The following HIPK2 variants were observed in gnomAD, a reference collection of about 807,000 sequenced individuals.
HIPK2 encodes homeodomain-interacting protein kinase 2.
A neutral mutation model predicts 113.7 loss-of-function variants in HIPK2; 27 were observed. The observed-to-expected ratio is 0.24, with a 90% CI of 0.17 to 0.33. The LOEUF (loss-of-function observed/expected upper bound fraction) is 0.33, where lower values mean the gene tolerates loss of function less well. Among genes scored for constraint, HIPK2 ranks in the 10% least tolerant of loss-of-function variants. The pLI, the probability that HIPK2 is intolerant of heterozygous loss-of-function variation, is 1.00. For synonymous variants in HIPK2, 631 were observed against 642.2 expected, an observed-to-expected ratio of 0.98 and a Z score of 0.26; for missense variants, 1,257 against 1,588.0, an observed-to-expected ratio of 0.79 and a Z score of 3.54.
At chr7:139,588,331 C>A (rs1000213764) in intron 12 of HIPK2, among the ~76,000 whole-genome samples, 63 of 150,444 alleles carry the variant, frequency 4.2e-4, no homozygotes, top group African/African-American at 1.4e-3. Flanking sequence ...ACCGCGCTGG[C>A]CCCCTGCTGA....
At chr7:139,756,935 G>A (rs1032137839) in intron 1 of HIPK2, among the ~76,000 whole-genome samples, 1 of 152,136 alleles carries the variant, frequency 6.6e-6, no homozygotes, top group African/African-American at 2.4e-5. Flanking sequence ...AAGAGGTTCT[G>A]GAACACAGCC....
Position 139,717,030 on chromosome 7 carries a change from A to C in HIPK2, c.20-15T>G. 1 of 1,599,330 alleles carries C rather than the reference A, an allele frequency of 6.3e-7. No homozygotes were observed. Among genetic ancestry groups the C allele is most frequent in the South Asian group, 1.1e-5 (1 of 89,916 alleles). On this transcript the variant is annotated splice_polypyrimidine_tract_variant and intron_variant, in intron 1 of 14. Transcript: ENST00000406875. ...TGAGGCCATACCTACAAGGAAAGGA[A>C]AACGAAAAGTAAGTATCGGAGTCAC...
In HIPK2 at chr7:139,596,775, C is replaced by T. The variant is rs367751989; in HGVS notation, c.2659G>A (p.Val887Ile). The T allele has an allele frequency of 1.9e-5, 31 of 1,613,778 alleles. No homozygotes were observed. The highest frequency in any genetic ancestry group is 8.9e-5 in the East Asian group (4 of 44,892). The change falls in exon 12 of 15, where the codon GTC (valine) becomes ATC (isoleucine). Residue 887 changes from valine (V) to isoleucine (I), a missense_variant. Transcript: ENST00000406875. ...IPDTPSPTVS[V>I]ITISSDTDEE... ...TCCGTGTCACTGCTGATGGTGATGACGCTGACCGTGGGGCTGGGAGTGTCG... is the reference window on the plus strand; with the variant it reads ...TCCGTGTCACTGCTGATGGTGATGATGCTGACCGTGGGGCTGGGAGTGTCG...
At chr7:139,605,279 C>T (rs1799582688) in intron 9 of HIPK2, among the ~76,000 whole-genome samples, 1 of 151,732 alleles carries the variant, frequency 6.6e-6, no homozygotes, top group Non-Finnish European at 1.5e-5. Context: ...GTGTTTTAAG[C>T]TCTTTTAATC....
intron 1 of HIPK2, among the ~76,000 whole-genome samples, chr7:139,774,775 G>C (rs1366699828): frequency 6.6e-6 from 1 of 152,116 alleles, no homozygotes; most frequent in Non-Finnish European, 1.5e-5. Context: ...TATTGAAAAA[G>C]CCTCGCAAAG....
At position 139,638,903 on chromosome 7, in the gene HIPK2, C is replaced by T. The variant is rs575128127; in HGVS notation, c.1104-7178G>A. On this transcript the variant is annotated intron_variant, in intron 2 of 14. Coordinates refer to ENST00000406875, the MANE Select transcript of HIPK2 (RefSeq NM_022740.5). ...CGATCTCCTGACCTCGTGATCCGCC[C>T]GCCTCGGCCTCCCAAAGTGCTGGAT... 6.6e-5 allele frequency among the ~76,000 whole-genome samples: 10 copies of T among 152,246 alleles called. No individual in the cohort carries two copies. In the South Asian group the frequency reaches 1.7e-3, roughly 25 times the overall value.
intron 13 of HIPK2, among the ~76,000 whole-genome samples, chr7:139,581,992 T>C (rs1052233811): frequency 1.3e-5 from 2 of 152,230 alleles, no homozygotes; most frequent in Non-Finnish European, 1.5e-5. Context: ...ATTTAAAGGA[T>C]AGCTGAGCTG....
Position 139,760,292 on chromosome 7 carries a change from C to A in HIPK2, c.19+17313G>T, listed in dbSNP as rs190873237. ...GTGCTGGGATTACAGGCGTGAGCCACCGCACCCGGCCCACATCTACATAGT... is the reference window on the plus strand; with the variant it reads ...GTGCTGGGATTACAGGCGTGAGCCAACGCACCCGGCCCACATCTACATAGT... On this transcript the variant is annotated intron_variant, in intron 1 of 14. Coordinates refer to ENST00000406875, the MANE Select transcript of HIPK2 (RefSeq NM_022740.5). Among the ~76,000 whole-genome samples, 8 of 151,058 alleles carry A rather than the reference C, an allele frequency of 5.3e-5. 1 individual carries two copies. The East Asian group carries it at 1.5e-3, about 29-fold the overall frequency.
chr7:139,578,996 T>G (rs1388856286), intron 13 of HIPK2, among the ~76,000 whole-genome samples: 1 of 152,200 alleles, frequency 6.6e-6, no homozygotes, highest in Admixed American at 6.5e-5. Context: ...TGATTTATAT[T>G]TTTTGGAAAC....
Position 139,570,509 on chromosome 7 carries a change from A to G in HIPK2, c.*2418T>C, listed in dbSNP as rs1176579004. 6.6e-6 allele frequency: 1 copy of G among 152,272 alleles called. No homozygotes were observed. Among genetic ancestry groups the G allele is most frequent in the East Asian group, 1.9e-4 (1 of 5,200 alleles). The allele number at this position is 152,272 out of a possible 1,614,324, so 9.4% of individuals were successfully genotyped here. ...TGCCCGGCTGTGCCCAGCATGGAGC[A>G]GTCATGGTGTCCTTCCTTCTCGCTG... On this transcript the variant is annotated 3_prime_UTR_variant, in exon 15 of 15. Coordinates refer to ENST00000406875, the MANE Select transcript of HIPK2 (RefSeq NM_022740.5).
intron 1 of HIPK2, among the ~76,000 whole-genome samples, chr7:139,745,124 T>C (rs1796168857): frequency 6.6e-6 from 1 of 152,146 alleles, no homozygotes; most frequent in Non-Finnish European, 1.5e-5. Flanking sequence ...GTTCACCCGG[T>C]TGGGGCATGC....
At chr7:139,706,426 G>A (rs1279622709) in intron 2 of HIPK2, among the ~76,000 whole-genome samples, 1 of 152,178 alleles carries the variant, frequency 6.6e-6, no homozygotes, top group Non-Finnish European at 1.5e-5. Flanking sequence ...GGTGGGTGAC[G>A]AGATGAGCTG....
chr7:139,641,102 C>T lies in HIPK2; in HGVS notation c.1104-9377G>A, dbSNP rs543893021. On this transcript the variant is annotated intron_variant, in intron 2 of 14. Coordinates refer to ENST00000406875, the MANE Select transcript of HIPK2 (RefSeq NM_022740.5). Reference sequence around the variant, plus strand: ...CTCCCTGGCCGGGTGCAGTGGCTCACGCCTGTAATCCCAGTACTTTGGGAG... The same window carrying T: ...CTCCCTGGCCGGGTGCAGTGGCTCATGCCTGTAATCCCAGTACTTTGGGAG... Among the ~76,000 whole-genome samples the T allele has an allele frequency of 5.8e-4, 88 of 152,316 alleles. 1 individual carries two copies. Among genetic ancestry groups the T allele is most frequent in the Middle Eastern group, 3.4e-3 (1 of 294 alleles).
chr7:139,658,524 A>C (rs2116529472), intron 2 of HIPK2, among the ~76,000 whole-genome samples: 1 of 152,376 alleles, frequency 6.6e-6, no homozygotes, highest in East Asian at 1.9e-4. Flanking sequence ...AGGAAAGCGA[A>C]AGCAAAATTT....
intron 1 of HIPK2, among the ~76,000 whole-genome samples, chr7:139,746,656 C>T (rs144788744): frequency 2.8e-4 from 42 of 152,264 alleles, no homozygotes; most frequent in African/African-American, 9.4e-4. Context: ...AGGTTGACAA[C>T]AGGTTTCTCG....
rs141732879 is a variant in HIPK2 at position 139,604,058 on chromosome 7, C to A, written c.2255+23G>T. ...CTCCCATCCCAGACACACCCACTCA[C>A]CCTAGAGGGGTTTCCTGCTTACCTC... On this transcript the variant is annotated intron_variant, in intron 10 of 14. Transcript: ENST00000406875. The A allele has an allele frequency of 8.6e-4, 1,393 of 1,613,594 alleles. 12 individuals are homozygous for A. The African/African-American group carries it at 0.016, about 18-fold the overall frequency.
chr7:139,777,113 T>G (rs762273586), intron 1 of HIPK2: 2 of 152,104 alleles, frequency 1.3e-5, no homozygotes, highest in African/African-American at 2.4e-5. Flanking sequence ...CCTAGCCCCG[T>G]GCATTCCGAT....
Position 139,573,353 on chromosome 7 carries a change from C to T in HIPK2, c.3171G>A (p.Arg1057=). 6.2e-7 allele frequency: 1 copy of T among 1,605,244 alleles called. No individual in the cohort carries two copies. Among genetic ancestry groups the T allele is most frequent in the Non-Finnish European group, 8.5e-7 (1 of 1,179,818 alleles). The part of the protein sequence containing the change: ...ITTDRTGSHR[R]QQAYITPTMA... ...TGGTGGGAGTGATGTAGGCCTGCTG[C>T]CTTCGGTGGCTCCCAGTGCGGTCCG... Residue 1057 remains arginine (R), a synonymous_variant, in exon 15 of 15, where the codon AGG becomes AGA. Transcript: ENST00000406875.
intron 2 of HIPK2, among the ~76,000 whole-genome samples, chr7:139,685,904 C>T (rs1794201903): frequency 6.6e-6 from 1 of 152,220 alleles, no homozygotes; most frequent in Admixed American, 6.5e-5. Flanking sequence ...AACACAACAT[C>T]CATTCTGTAG....
Sources: gnomAD v4.1 joint callset for allele counts (sites outside exome capture counted in the v4.1 genomes callset) on GRCh38, gnomAD v4.1.1 for gene constraint, MANE v1.5 for transcripts, NCBI Gene and HGNC (gene_info 2026-07-23, HGNC 2026-07-21) for gene names.